KAZN: variants seen among roughly 807,000 people sequenced by gnomAD.
KAZN encodes kazrin, periplakin interacting protein.
KAZN carries 40 observed loss-of-function variants against 87.4 expected under a neutral mutation model. The ratio of observed to expected loss-of-function variants is 0.46; its 90% CI spans 0.36 to 0.60. The LOEUF is 0.60. Ranked by LOEUF, KAZN falls within the 20% of genes least tolerant of loss-of-function variation. The pLI is 0.00. For missense variants in KAZN, 898 were observed against 1,073.9 expected, an observed-to-expected ratio of 0.84 and a Z score of 2.29; for synonymous variants, 466 against 458.3, an observed-to-expected ratio of 1.02 and a Z score of -0.22.
intron 2 of KAZN, among the ~76,000 whole-genome samples, chr1:14,997,201 TTTCA>T (rs761257440): frequency 0.027 from 3,731 of 137,360 alleles, 78 homozygotes; most frequent in Non-Finnish European, 0.037. Context: ...TCTTTCTTTC[TTTCA>T]TTTATTTATT....
At chr1:15,044,278 G>A in intron 4 of KAZN, 119 bp downstream of exon 4, 1 of 1,009,900 alleles carries the variant, frequency 9.9e-7, no homozygotes, top group African/African-American at 1.6e-5. Context: ...GGGCAGAGCA[G>A]AACACAAGCA....
chr1:14,657,418 A>C (rs1439464060), intron 1 of KAZN, among the ~76,000 whole-genome samples: 1 of 152,198 alleles, frequency 6.6e-6, no homozygotes, highest in Non-Finnish European at 1.5e-5. Flanking sequence ...TGGTGGACCT[A>C]GAGCTTCTGC....
intron 2 of KAZN, among the ~76,000 whole-genome samples, chr1:14,276,855 A>C (rs1358277981): frequency 6.6e-6 from 1 of 152,198 alleles, no homozygotes; most frequent in Non-Finnish European, 1.5e-5. Flanking sequence ...CTAATGTTGA[A>C]CCAATCTTGC....
At chr1:13,930,065 T>G (rs1031532087) in intron 1 of KAZN, among the ~76,000 whole-genome samples, 1 of 152,162 alleles carries the variant, frequency 6.6e-6, no homozygotes, top group Non-Finnish European at 1.5e-5. Flanking sequence ...CTCTGTATAT[T>G]ATATAGCCAC....
chr1:15,094,107 G>C lies in KAZN; in HGVS notation c.1223-73G>C. Reference sequence around the variant, plus strand: ...ATGTCCCCACCACCCTCTGCCTCCCGGGGGTATGGCCTGCCCAGCCCCTGC... The same window carrying C: ...ATGTCCCCACCACCCTCTGCCTCCCCGGGGTATGGCCTGCCCAGCCCCTGC... On this transcript the variant is annotated intron_variant, in intron 8 of 14. Transcript: ENST00000376030. This position sits in a 1 kb window ranked among gnomAD's most constrained non-coding sequence, Gnocchi z 4.5. 1.4e-6 allele frequency: 2 copies of C among 1,392,122 alleles called. No homozygotes were observed. The highest frequency in any genetic ancestry group is 2.0e-6 in the Non-Finnish European group (2 of 1,004,142). 86.2% of individuals were successfully genotyped at this position (1,392,122 alleles called of 1,614,324 possible). A position where few individuals can be genotyped will look rare whatever the true frequency, so the allele number is the denominator to read the frequency against.
At chr1:15,009,063 G>A (rs1188362649) in intron 2 of KAZN, among the ~76,000 whole-genome samples, 1 of 152,218 alleles carries the variant, frequency 6.6e-6, no homozygotes, top group Non-Finnish European at 1.5e-5. Context: ...GCCCGCTGGG[G>A]TGAGCCAGCA....
intron 2 of KAZN, among the ~76,000 whole-genome samples, chr1:14,254,414 A>G (rs1557596394): frequency 6.6e-6 from 1 of 152,302 alleles, no homozygotes; most frequent in East Asian, 1.9e-4. Context: ...TGAAAGCTGC[A>G]CTCGACCATT....
intron 1 of KAZN, among the ~76,000 whole-genome samples, chr1:14,716,415 G>C (rs1483648499): frequency 6.6e-6 from 1 of 152,186 alleles, no homozygotes; most frequent in African/African-American, 2.4e-5. Flanking sequence ...CATGCAGTCA[G>C]TTGAGCAGAT....
At chr1:14,317,338 C>T (rs1426809209) in intron 2 of KAZN, among the ~76,000 whole-genome samples, 4 of 151,908 alleles carry the variant, frequency 2.6e-5, no homozygotes, top group Admixed American at 6.6e-5. Context: ...AATATAGCTA[C>T]TGTAGCTTTC....
At chr1:14,170,648 A>G (rs1054555080) in intron 1 of KAZN, among the ~76,000 whole-genome samples, 1 of 152,152 alleles carries the variant, frequency 6.6e-6, no homozygotes, top group African/African-American at 2.4e-5. Flanking sequence ...GAACCTTTTT[A>G]TTGCCACAAA....
intron 1 of KAZN, among the ~76,000 whole-genome samples, chr1:14,660,541 CTTTTTTTTTT>C (rs1156503750): frequency 7.9e-5 from 6 of 76,006 alleles, no homozygotes; most frequent in African/African-American, 2.7e-4. Context: ...CTCTCTCTCT[CTTTTTTTTTT>C]TTTTTTTTTT....
At chr1:13,945,710 TGAGAGAGA>T (rs200937986) in intron 1 of KAZN, among the ~76,000 whole-genome samples, 10,368 of 136,704 alleles carry the variant, frequency 0.076, 492 homozygotes, top group Middle Eastern at 0.12. Flanking sequence ...TGTGTGTGTG[TGAGAGAGA>T]GAGAGAGAGA....
chr1:14,200,423 C>T, intron 2 of KAZN, among the ~76,000 whole-genome samples: 1 of 152,044 alleles, frequency 6.6e-6, no homozygotes, highest in South Asian at 2.1e-4. Context: ...GGGGAAAACA[C>T]TTCCCCATAT....
At chr1:14,182,370 C>T (rs966038815) in intron 2 of KAZN, among the ~76,000 whole-genome samples, 1 of 152,140 alleles carries the variant, frequency 6.6e-6, no homozygotes, top group African/African-American at 2.4e-5. Flanking sequence ...TTTCTTTTGC[C>T]TCCTAACATT....
rs541530252 is a variant in KAZN at position 13,963,588 on chromosome 1, G to A, written c.91+69832G>A. Among the ~76,000 whole-genome samples, 304 of 152,174 alleles carry A rather than the reference G, an allele frequency of 2.0e-3. 2 individuals carry two copies. The highest frequency in any genetic ancestry group is 7.1e-3 in the African/African-American group (293 of 41,518). On this transcript the variant is annotated intron_variant, in intron 1 of 16. Transcript: ENST00000636203. ...CCTTTATGAATGAGTCTATCATCCAGGCAATTATAGAATTTTCTAAGTAAG... is the reference window on the plus strand; with the variant it reads ...CCTTTATGAATGAGTCTATCATCCAAGCAATTATAGAATTTTCTAAGTAAG...
intron 6 of KAZN, chr1:15,060,551 G>T: frequency 1.9e-6 from 1 of 521,738 alleles, no homozygotes; most frequent in East Asian, 3.5e-5. Context: ...GGCCTGGGTC[G>T]GCCGCAGGCA....
chr1:13,961,376 A>G (rs1641746750), intron 1 of KAZN, among the ~76,000 whole-genome samples: 2 of 152,200 alleles, frequency 1.3e-5, no homozygotes, highest in South Asian at 4.1e-4. Flanking sequence ...GGAGAGACAG[A>G]CCATAAACAG....
intron 3 of KAZN, among the ~76,000 whole-genome samples, chr1:15,041,337 T>TTTTTTTTG (rs1417521264): frequency 3.4e-5 from 5 of 146,892 alleles, no homozygotes; most frequent in Non-Finnish European, 7.5e-5. Context: ...TTTTCTTTTT[T>TTTTTTTTG]TTTTTTTTTG....
At chr1:15,042,207 G>A (rs1282135462) in intron 3 of KAZN, among the ~76,000 whole-genome samples, 1 of 152,154 alleles carries the variant, frequency 6.6e-6, no homozygotes, top group Non-Finnish European at 1.5e-5. Flanking sequence ...CTAATTCAGG[G>A]ACATTTTATA....
Sources: gnomAD v4.1 joint callset for allele counts (sites outside exome capture counted in the v4.1 genomes callset) on GRCh38, gnomAD v4.1.1 for gene constraint, Gnocchi (gnomAD v3.1) non-coding constraint, MANE v1.5 for transcripts, NCBI Gene and HGNC (gene_info 2026-07-23, HGNC 2026-07-21) for gene names.